ATM: variants seen among roughly 807,000 people sequenced by gnomAD.
ATM encodes serine-protein kinase ATM.
Under a neutral mutation model 387.0 loss-of-function variants are expected in ATM, and 308 were observed. The observed-to-expected ratio is 0.80, with a 90% CI of 0.73 to 0.87. The LOEUF is 0.87. Ranked by LOEUF, ATM falls within the 40% of genes least tolerant of loss-of-function variation. The pLI is 0.00. For missense variants in ATM, 3,312 were observed against 3,560.9 expected, an observed-to-expected ratio of 0.93 and a Z score of 1.78; for synonymous variants, 1,156 against 1,187.3, an observed-to-expected ratio of 0.97 and a Z score of 0.54.
At chr11:108,248,902 A>G (rs2079984800) in intron 8 of ATM, 31 bp from the exon 9 acceptor site, 1 of 1,562,998 alleles carries the variant, frequency 6.4e-7, no homozygotes, top group Non-Finnish European at 8.7e-7. Flanking sequence ...AAAAAAAAAA[A>G]GAAAAAAGTG....
intron 28 of ATM, 47 bp from the exon 29 acceptor site, chr11:108,289,555 C>T (rs2082666261): frequency 2.9e-6 from 4 of 1,393,122 alleles, no homozygotes; most frequent in Non-Finnish European, 2.0e-6. Flanking sequence ...TTATTGTAGC[C>T]GAGTATCTAA....
chr11:108,233,472 G>A (rs954120583), intron 4 of ATM, among the ~76,000 whole-genome samples: 38 of 151,812 alleles, frequency 2.5e-4, no homozygotes, highest in African/African-American at 8.0e-4. Context: ...AGGAGGCTTA[G>A]GGAGGAAGAT....
rs543869556 is a variant in ATM, at chr11:108,346,792, G to C, written c.8585-487G>C. 3.9e-5 allele frequency among the ~76,000 whole-genome samples: 6 copies of C among 152,088 alleles called. No individual in the cohort carries two copies. In the East Asian group the frequency reaches 7.7e-4, roughly 20 times the overall value. Reference sequence around the variant, plus strand: ...CATCTGTCTTAAATACAGAAATGCAGTTTTTTGGGGGGATACACACCTGGT... The same window carrying C: ...CATCTGTCTTAAATACAGAAATGCACTTTTTTGGGGGGATACACACCTGGT... On this transcript the variant is annotated intron_variant, in intron 58 of 62. Coordinates refer to ENST00000675843, the MANE Select transcript of ATM (RefSeq NM_000051.4).
At chr11:108,247,304 G>A (rs910487508) in intron 8 of ATM, among the ~76,000 whole-genome samples, 177 bp downstream of exon 8, 1 of 152,108 alleles carries the variant, frequency 6.6e-6, no homozygotes, top group South Asian at 2.1e-4. Flanking sequence ...TAACTTAAAA[G>A]TTAATGCTTT....
intron 6 of ATM, among the ~76,000 whole-genome samples, chr11:108,244,461 T>C (rs916248093): frequency 2.6e-5 from 4 of 152,188 alleles, no homozygotes; most frequent in Non-Finnish European, 5.9e-5. Context: ...GTATTACTGT[T>C]GTACATTAGT....
chr11:108,330,374 C>T lies in ATM; in HGVS notation c.7468C>T (p.Leu2490Phe), dbSNP rs753262623. 4 of 1,614,122 alleles carry T rather than the reference C, an allele frequency of 2.5e-6. No individual in the cohort carries two copies. Among genetic ancestry groups the T allele is most frequent in the South Asian group, 1.1e-5 (1 of 91,080 alleles). The change falls in exon 50 of 63, where the codon CTC becomes TTC. Residue 2490 changes from leucine to phenylalanine, a missense_variant. Physicochemically the swap from Leu to Phe is conservative, Grantham distance 22. This residue lies in a region of ATM where 1,405 missense variants were observed against 1,604.4 expected (regional missense o/e 0.88). Transcript: ENST00000675843. ...TATGTGGGTATTCCGACTTTGTTCC[C>T]TCTGGCTTGAAAATTCTGGAGTTTC... ...HDMWVFRLCSLWLENSGVSEV... is the reference protein window; with the variant it reads ...HDMWVFRLCSFWLENSGVSEV...
At chr11:108,324,172 C>G (rs898917622) in intron 45 of ATM, among the ~76,000 whole-genome samples, 1 of 152,028 alleles carries the variant, frequency 6.6e-6, no homozygotes, top group South Asian at 2.1e-4. Flanking sequence ...TCCTATTACA[C>G]GTAATCTAGA....
chr11:108,343,139 G>A (rs941397950), intron 56 of ATM, 83 bp from the exon 57 acceptor site: 1 of 1,546,928 alleles, frequency 6.5e-7, no homozygotes, highest in Admixed American at 1.7e-5. Context: ...AAAATGCTTT[G>A]CACTGACTCT....
intron 6 of ATM, 111 bp from the exon 7 acceptor site, chr11:108,244,677 G>A (rs2079743613): frequency 2.3e-6 from 2 of 883,356 alleles, no homozygotes; most frequent in Admixed American, 3.9e-5. Flanking sequence ...ACTACTGTTT[G>A]AAAATTAGGG....
chr11:108,258,041 T>A (rs746878946), intron 15 of ATM, among the ~76,000 whole-genome samples: 1 of 151,996 alleles, frequency 6.6e-6, no homozygotes, highest in Non-Finnish European at 1.5e-5. Context: ...GGACTACAAG[T>A]GTACACCACC....
intron 61 of ATM, chr11:108,355,976 G>C (rs1474370842): frequency 6.6e-6 from 1 of 152,176 alleles, no homozygotes; most frequent in Non-Finnish European, 1.5e-5. Context: ...TGCTGAAATA[G>C]GTCCCAATAA....
chr11:108,245,891 G>A (rs899201240), intron 7 of ATM, among the ~76,000 whole-genome samples: 8 of 143,532 alleles, frequency 5.6e-5, no homozygotes, highest in African/African-American at 2.1e-4. Flanking sequence ...GTGACGCAAT[G>A]TTAGCTCACT....
In ATM at chr11:108,335,713, T is replaced by C. The variant is rs963947989; in HGVS notation, c.8152-132T>C. ...TGAAAGAATGGCAGTAGGTATTTAATTATTTGGGAGACTGTCAAGAGGTGC... is the reference window on the plus strand; with the variant it reads ...TGAAAGAATGGCAGTAGGTATTTAACTATTTGGGAGACTGTCAAGAGGTGC... On this transcript the variant is annotated intron_variant, in intron 55 of 62. Coordinates refer to ENST00000675843, the MANE Select transcript of ATM (RefSeq NM_000051.4). 4.5e-5 allele frequency: 31 copies of C among 694,856 alleles called. 1 individual carries two copies. The highest frequency in any genetic ancestry group is 3.2e-4 in the Middle Eastern group (1 of 3,116). The allele number at this position is 694,856 out of a possible 1,614,324, so 43.0% of individuals were successfully genotyped here.
At chr11:108,264,213 A>C (rs1050885045) in intron 16 of ATM, among the ~76,000 whole-genome samples, 2 of 152,106 alleles carry the variant, frequency 1.3e-5, no homozygotes, top group African/African-American at 2.4e-5. Context: ...CTTGATGAAC[A>C]TTGATGCAAA....
At position 108,302,967 on chromosome 11, in the gene ATM, G is replaced by C. The variant is rs2135929811; in HGVS notation, c.5434G>C (p.Ala1812Pro). Reference protein sequence around the residue: ...HDIWIKTLTCAFLDSGGTKCE... With the variant: ...HDIWIKTLTCPFLDSGGTKCE... ...CATTTGGATAAAGACACTGACTTGT[G>C]CTTTTTTGGACAGTGGAGGCACAAA... Residue 1812 changes from alanine to proline, a missense_variant, in exon 36 of 63, where the codon GCT (alanine) becomes CCT (proline). Ala to Pro is a conservative substitution (Grantham distance 27, BLOSUM62 -1). Coordinates refer to ENST00000675843, the MANE Select transcript of ATM (RefSeq NM_000051.4). The C allele has an allele frequency of 6.2e-7, 1 of 1,613,472 alleles. No individual in the cohort carries two copies. The highest frequency in any genetic ancestry group is 8.5e-7 in the Non-Finnish European group (1 of 1,179,542).
At position 108,252,009 on chromosome 11, in the gene ATM, GA is replaced by G; in HGVS notation, c.1782del (p.Val595CysfsTer19). On this transcript the variant is annotated frameshift_variant, in exon 11 of 63. Coordinates refer to ENST00000675843, the MANE Select transcript of ATM (RefSeq NM_000051.4). LOFTEE classifies it high-confidence loss of function. ...AGAGGGTGACTTAGAAAATAGCACAGAAGTGCCTCCAATTCTTCACAGGTAA... is the reference window on the plus strand; with the variant it reads ...AGAGGGTGACTTAGAAAATAGCACAGAGTGCCTCCAATTCTTCACAGGTAA... ...QLEGDLENSTEVPPILHSNFP... is the reference protein window; with the variant it reads ...QLEGDLENSTXVPPILHSNFP... The G allele has an allele frequency of 1.9e-6, 3 of 1,612,748 alleles. No individual in the cohort carries two copies. The highest frequency in any genetic ancestry group is 2.5e-6 in the Non-Finnish European group (3 of 1,179,656).
rs181209926 is a variant in ATM at position 108,315,508 on chromosome 11, C to G, written c.6007-315C>G. Among the ~76,000 whole-genome samples the G allele has an allele frequency of 2.3e-3, 357 of 151,994 alleles. 1 individual carries two copies. Among genetic ancestry groups the G allele is most frequent in the African/African-American group, 7.2e-3 (300 of 41,454 alleles). ...GTACATTTATTTTATGCATTCATGA[C>G]ATAACTTTTAAAAAATTTTTCAGTA... is the stretch of plus-strand genomic sequence containing the variant. On this transcript the variant is annotated intron_variant, in intron 40 of 62. Transcript: ENST00000675843.
chr11:108,233,840 T>G (rs969685370), intron 4 of ATM, among the ~76,000 whole-genome samples: 4 of 150,280 alleles, frequency 2.7e-5, no homozygotes, highest in African/African-American at 9.7e-5. Flanking sequence ...GAGCGAGATA[T>G]TCTGTCTCAA....
At chr11:108,334,602 A>G (rs227061) in intron 54 of ATM, among the ~76,000 whole-genome samples, 79,579 of 152,008 alleles carry the variant, frequency 0.52, 21,725 homozygotes, top group Middle Eastern at 0.73. Context: ...TAGCTGTATC[A>G]TGTGGATTAA....
Sources: allele counts gnomAD v4.1 joint callset (sites outside exome capture counted in the v4.1 genomes callset), GRCh38; gene constraint gnomAD v4.1.1; regional missense constraint gnomAD v4.1.1; transcripts MANE v1.5; gene names NCBI Gene and HGNC (gene_info 2026-07-23, HGNC 2026-07-21).